The following FRMD3 variants were observed in gnomAD, a reference collection of about 807,000 sequenced individuals.
FRMD3 encodes FERM domain containing 3, also known as FERM domain-containing protein 3.
FRMD3 carries 33 observed loss-of-function variants against 70.2 expected under a neutral mutation model. The ratio of observed to expected loss-of-function variants is 0.47; its 90% CI spans 0.36 to 0.63. FRMD3 has a LOEUF of 0.63. Among genes scored for constraint, FRMD3 ranks in the 20% least tolerant of loss-of-function variants. FRMD3 has a pLI of 0.00. For missense variants in FRMD3, 632 were observed against 711.4 expected (o/e 0.89, Z 1.27); for synonymous variants, 279 against 255.9 (o/e 1.09, Z -0.86).
intron 1 of FRMD3, among the ~76,000 whole-genome samples, chr9:83,506,010 G>A (rs781113877): frequency 1.1e-4 from 17 of 152,082 alleles, no homozygotes; most frequent in Non-Finnish European, 2.1e-4. Flanking sequence ...CTGCACCAAC[G>A]CCCCATGAAC....
At chr9:83,340,991 C>T (rs958311406) in intron 5 of FRMD3, among the ~76,000 whole-genome samples, 1 of 152,146 alleles carries the variant, frequency 6.6e-6, no homozygotes, top group Non-Finnish European at 1.5e-5. Context: ...GGCGACAGTG[C>T]CTCCTGATTG....
intron 1 of FRMD3, among the ~76,000 whole-genome samples, chr9:83,512,334 C>T (rs1829356169): frequency 6.6e-6 from 1 of 152,124 alleles, no homozygotes; most frequent in African/African-American, 2.4e-5. Flanking sequence ...CATGGAGCTG[C>T]CAGTCTATGG....
intron 1 of FRMD3, among the ~76,000 whole-genome samples, chr9:83,400,002 GA>G (rs554148521): frequency 5.6e-4 from 84 of 150,542 alleles, no homozygotes; most frequent in African/African-American, 2.0e-3. Context: ...AGACAAGAAA[GA>G]AAAAAGAAGA....
At chr9:83,550,248 A>C in the FRMD3 span, among the ~76,000 whole-genome samples, 3 of 152,112 alleles carry the variant, frequency 2.0e-5, no homozygotes, top group Non-Finnish European at 4.4e-5. Context: ...CAAAGATCAG[A>C]TGGTCGTAGA....
chr9:83,459,935 T>C (rs1041900569), intron 1 of FRMD3, among the ~76,000 whole-genome samples: 2 of 152,226 alleles, frequency 1.3e-5, no homozygotes, highest in Non-Finnish European at 2.9e-5. Context: ...CTTGCCTCAG[T>C]GCATGCGCAC....
chr9:83,460,790 A>C (rs1405159625), intron 1 of FRMD3, among the ~76,000 whole-genome samples: 1 of 151,986 alleles, frequency 6.6e-6, no homozygotes, highest in African/African-American at 2.4e-5. Context: ...TTTTTTGTTT[A>C]TTCTTCCACT....
intron 1 of FRMD3, among the ~76,000 whole-genome samples, chr9:83,483,558 C>G (rs1388543774): frequency 6.6e-6 from 1 of 152,136 alleles, no homozygotes; most frequent in African/African-American, 2.4e-5. Context: ...AAACTAAAAC[C>G]TTATCTGATA....
intron 1 of FRMD3, among the ~76,000 whole-genome samples, chr9:83,396,372 C>A (rs1443356494): frequency 1.3e-5 from 2 of 152,222 alleles, no homozygotes; most frequent in Non-Finnish European, 2.9e-5. Flanking sequence ...TGCTTAGCAA[C>A]CATACATCCC....
chr9:83,514,311 G>A (rs945374202), intron 1 of FRMD3, among the ~76,000 whole-genome samples: 2 of 152,268 alleles, frequency 1.3e-5, no homozygotes, highest in Admixed American at 1.3e-4. Flanking sequence ...GCTTGACTAG[G>A]CGGTTTTCCC....
chr9:83,404,459 C>A (rs1208259789), intron 1 of FRMD3, among the ~76,000 whole-genome samples: 1 of 152,044 alleles, frequency 6.6e-6, no homozygotes, highest in Non-Finnish European at 1.5e-5. Flanking sequence ...TTCTAAAGAA[C>A]ATTTTCACCC....
rs1832104009 is a variant in FRMD3, at chr9:83,246,482, G to A, written c.*1436C>T. On this transcript the variant is annotated 3_prime_UTR_variant, in exon 14 of 14. Coordinates refer to ENST00000304195, the MANE Select transcript of FRMD3 (RefSeq NM_174938.6). ...CTGGTCCCCTCTACAGTCTGGTTAG[G>A]GTCATGTCACTACTTTACCCAGGCT... 1 of 984,928 alleles carries A rather than the reference G, an allele frequency of 1.0e-6. No individual in the cohort carries two copies. Among genetic ancestry groups the A allele is most frequent in the African/African-American group, 1.7e-5 (1 of 57,152 alleles). 61.0% of individuals were successfully genotyped at this position (984,928 alleles called of 1,614,324 possible).
At chr9:83,539,467 G>C (rs180908758), upstream of FRMD3, among the ~76,000 whole-genome samples, 1 of 152,216 alleles carries the variant, frequency 6.6e-6, no homozygotes, top group Admixed American at 6.5e-5. Context: ...GAGCAGAACA[G>C]GTCATTAGGA....
At chr9:83,361,445 C>G (rs1011047777) in intron 3 of FRMD3, among the ~76,000 whole-genome samples, 1 of 152,200 alleles carries the variant, frequency 6.6e-6, no homozygotes, top group Non-Finnish European at 1.5e-5. Flanking sequence ...GCCCCTCACT[C>G]TGGAGGCAGG....
chr9:83,417,220 C>T (rs566511566), intron 1 of FRMD3, among the ~76,000 whole-genome samples: 2 of 152,296 alleles, frequency 1.3e-5, no homozygotes, highest in Admixed American at 1.3e-4. Context: ...CAAATGAGTA[C>T]ACATTCATTC....
At chr9:83,565,596 G>C in the FRMD3 span, among the ~76,000 whole-genome samples, 1 of 152,182 alleles carries the variant, frequency 6.6e-6, no homozygotes, top group African/African-American at 2.4e-5. Flanking sequence ...CAAAGATACT[G>C]CCCGTAGCGC....
At chr9:83,565,842 A>G in the FRMD3 span, among the ~76,000 whole-genome samples, 1 of 152,208 alleles carries the variant, frequency 6.6e-6, no homozygotes, top group East Asian at 1.9e-4. Context: ...TTGAGAAAGG[A>G]GTTAGGAAAT....
Position 83,335,861 on chromosome 9 carries a change from G to A in FRMD3, c.473-222C>T, listed in dbSNP as rs868272706. Reference sequence around the variant, plus strand: ...ATCTTGAGAATCTTCTCTGGGTCTCGCCTTCTTTATCAGTATAATAAAGGA... The same window carrying A: ...ATCTTGAGAATCTTCTCTGGGTCTCACCTTCTTTATCAGTATAATAAAGGA... On this transcript the variant is annotated intron_variant, in intron 5 of 13. Transcript: ENST00000304195. 9.2e-5 allele frequency among the ~76,000 whole-genome samples: 14 copies of A among 152,238 alleles called. No individual in the cohort carries two copies. The South Asian group carries it at 1.5e-3, about 16-fold the overall frequency.
intron 3 of FRMD3, chr9:83,351,037 T>C (rs1824138121): frequency 1.1e-6 from 1 of 949,568 alleles, no homozygotes; most frequent in Non-Finnish European, 1.3e-6. Flanking sequence ...TGGGATCAGT[T>C]CTCAGTCTAC....
intron 1 of FRMD3, among the ~76,000 whole-genome samples, chr9:83,415,614 C>CTT (rs1168650565): frequency 0.069 from 7,476 of 108,776 alleles, 438 homozygotes; most frequent in African/African-American, 0.14. Context: ...GACTAATTTT[C>CTT]TTTTTTTTTT....
Sources: allele counts gnomAD v4.1 joint callset (sites outside exome capture counted in the v4.1 genomes callset), GRCh38; gene constraint gnomAD v4.1.1; transcripts MANE v1.5; gene names NCBI Gene and HGNC (gene_info 2026-07-23, HGNC 2026-07-21).